Variants in EDIL3 observed in about 807,000 individuals in gnomAD.
EDIL3 encodes EGF like and discoidin domains 3, also known as EGF-like repeat and discoidin I-like domain-containing protein 3.
In EDIL3, 37 loss-of-function variants were observed where a neutral mutation model predicts 67.4. The ratio of observed to expected loss-of-function variants is 0.55; its 90% CI spans 0.42 to 0.72. The LOEUF (loss-of-function observed/expected upper bound fraction) is 0.72. Among genes scored for constraint, EDIL3 ranks in the 30% least tolerant of loss-of-function variants. The pLI is 0.00. For missense variants in EDIL3, 527 were observed against 586.3 expected, an observed-to-expected ratio of 0.90 and a Z score of 1.04; for synonymous variants, 195 against 196.3, an observed-to-expected ratio of 0.99 and a Z score of 0.05.
intron 10 of EDIL3, among the ~76,000 whole-genome samples, chr5:83,956,919 T>G (rs1230588018): frequency 6.6e-6 from 1 of 151,714 alleles, no homozygotes; most frequent in East Asian, 1.9e-4. Context: ...ATGTTCTTAT[T>G]TTTAGACGAT....
At chr5:84,270,673 A>G (rs997791727) in intron 1 of EDIL3, among the ~76,000 whole-genome samples, 2 of 152,220 alleles carry the variant, frequency 1.3e-5, no homozygotes, top group Non-Finnish European at 2.9e-5. Context: ...TAAGCACTTT[A>G]TAAGATATTA....
At chr5:84,383,852 C>T (rs1748151357) in intron 1 of EDIL3, among the ~76,000 whole-genome samples, 1 of 152,186 alleles carries the variant, frequency 6.6e-6, no homozygotes, top group Non-Finnish European at 1.5e-5. Context: ...CGGGGGCGGA[C>T]GGCCCTGCAG....
intron 9 of EDIL3, among the ~76,000 whole-genome samples, chr5:84,056,580 G>A (rs933608854): frequency 6.6e-6 from 1 of 152,034 alleles, no homozygotes; most frequent in Non-Finnish European, 1.5e-5. Context: ...GGTATTTTGG[G>A]GGGCTGAATT....
chr5:83,986,718 G>A (rs1449651894), intron 9 of EDIL3, among the ~76,000 whole-genome samples: 1 of 152,066 alleles, frequency 6.6e-6, no homozygotes, highest in Non-Finnish European at 1.5e-5. Context: ...CCTGTAGAAG[G>A]GACAGCCAGC....
chr5:84,016,378 T>G (rs1745607749), intron 9 of EDIL3, among the ~76,000 whole-genome samples: 1 of 152,178 alleles, frequency 6.6e-6, no homozygotes, highest in Non-Finnish European at 1.5e-5. Context: ...TTTCTTCCTC[T>G]AAAGCGTCAT....
intron 1 of EDIL3, among the ~76,000 whole-genome samples, chr5:84,365,090 T>C (rs1747699030): frequency 6.6e-6 from 1 of 152,134 alleles, no homozygotes; most frequent in Non-Finnish European, 1.5e-5. Flanking sequence ...CAAACAATTA[T>C]TGTATATTAA....
intron 1 of EDIL3, among the ~76,000 whole-genome samples, chr5:84,271,125 T>C (rs1033563618): frequency 2.0e-5 from 3 of 152,210 alleles, no homozygotes; most frequent in Admixed American, 6.5e-5. Flanking sequence ...ATTGACCCTA[T>C]TTGAAAATAC....
At chr5:84,304,284 T>C (rs1257499443) in intron 1 of EDIL3, among the ~76,000 whole-genome samples, 1 of 152,186 alleles carries the variant, frequency 6.6e-6, no homozygotes, top group Non-Finnish European at 1.5e-5. Flanking sequence ...AATTTTTTGG[T>C]ATATGTGAAT....
In EDIL3 at chr5:83,941,115, G is replaced by A. The variant is rs1202452430; in HGVS notation, c.*2304C>T. 6.6e-6 allele frequency: 1 copy of A among 151,956 alleles called. No homozygotes were observed. The highest frequency in any genetic ancestry group is 1.5e-5 in the Non-Finnish European group (1 of 67,902). The allele number at this position is 151,956 out of a possible 1,614,324, so 9.4% of individuals were successfully genotyped here. A position where few individuals can be genotyped will look rare whatever the true frequency, so the allele number is the denominator to read the frequency against. ...TCACTTTCATGTCATCGACATGAAT[G>A]ACACAAAAGCTACTTCATAATACTA... On this transcript the variant is annotated 3_prime_UTR_variant, in exon 11 of 11. Transcript: ENST00000296591.
At chr5:83,975,627 T>C (rs1198214303) in intron 9 of EDIL3, among the ~76,000 whole-genome samples, 1 of 151,884 alleles carries the variant, frequency 6.6e-6, no homozygotes, top group Non-Finnish European at 1.5e-5. Context: ...AAACATAATT[T>C]GAAAAAAATC....
intron 6 of EDIL3, among the ~76,000 whole-genome samples, chr5:84,096,396 G>A (rs10044481): frequency 0.37 from 56,432 of 152,056 alleles, 10,761 homozygotes; most frequent in Non-Finnish European, 0.4. Context: ...AGCTTGACAT[G>A]GATGTGAGAC....
chr5:84,222,807 C>T lies in EDIL3; in HGVS notation c.226+7048G>A, dbSNP rs571630573. Among the ~76,000 whole-genome samples, 30 of 151,786 alleles carry T rather than the reference C, an allele frequency of 2.0e-4. No homozygotes were observed. The East Asian group carries it at 5.4e-3, about 27-fold the overall frequency. On this transcript the variant is annotated intron_variant, in intron 3 of 10. Transcript: ENST00000296591. ...GAGAAATGTCTATTCAGGATCTTTG[C>T]CCTCTCTTTAATTGGTTTATTTAAC...
At chr5:84,181,667 T>G (rs1223618035) in intron 3 of EDIL3, among the ~76,000 whole-genome samples, 1 of 152,178 alleles carries the variant, frequency 6.6e-6, no homozygotes, top group Admixed American at 6.5e-5. Context: ...TCTTACAGTC[T>G]TCTTCCTGCA....
At chr5:84,054,112 G>A (rs1012524541) in intron 9 of EDIL3, among the ~76,000 whole-genome samples, 47 of 152,156 alleles carry the variant, frequency 3.1e-4, no homozygotes, top group Non-Finnish European at 1.9e-4. Flanking sequence ...TATCCACCAT[G>A]ATCAAGTGGG....
intron 5 of EDIL3, among the ~76,000 whole-genome samples, chr5:84,135,282 C>T (rs531821475): frequency 2.6e-5 from 4 of 152,136 alleles, no homozygotes; most frequent in African/African-American, 4.8e-5. Flanking sequence ...GCTTCTCCCC[C>T]GCAATTGTTC....
At chr5:84,007,319 C>A (rs1166765042) in intron 9 of EDIL3, among the ~76,000 whole-genome samples, 1 of 152,008 alleles carries the variant, frequency 6.6e-6, no homozygotes, top group African/African-American at 2.4e-5. Context: ...AGGAAGCAAT[C>A]AACGAAGTGA....
At chr5:84,232,259 T>C (rs1293368268) in intron 2 of EDIL3, among the ~76,000 whole-genome samples, 1 of 152,018 alleles carries the variant, frequency 6.6e-6, no homozygotes, top group Non-Finnish European at 1.5e-5. Flanking sequence ...GAAAGAAAAA[T>C]TGATACAGAG....
At chr5:84,195,672 C>A (rs2112372602) in intron 3 of EDIL3, among the ~76,000 whole-genome samples, 1 of 152,062 alleles carries the variant, frequency 6.6e-6, no homozygotes. Context: ...GATTGGCAAG[C>A]AGCAAAGAAT....
At chr5:84,282,008 A>G (rs1745713702) in intron 1 of EDIL3, among the ~76,000 whole-genome samples, 2 of 151,426 alleles carry the variant, frequency 1.3e-5, no homozygotes, top group South Asian at 4.2e-4. Context: ...CTGGGATTAC[A>G]GGTGCCGGCC....
Sources: gnomAD v4.1 joint callset for allele counts (sites outside exome capture counted in the v4.1 genomes callset) on GRCh38, gnomAD v4.1.1 for gene constraint, MANE v1.5 for transcripts, NCBI Gene and HGNC (gene_info 2026-07-23, HGNC 2026-07-21) for gene names.